TENM2: variants seen among roughly 807,000 people sequenced by gnomAD.
TENM2 encodes the protein teneurin transmembrane protein 2, also known as teneurin-2.
Under a neutral mutation model 245.2 loss-of-function variants are expected in TENM2, and 52 were observed. The ratio of observed to expected loss-of-function variants is 0.21; its 90% confidence interval spans 0.17 to 0.27. The LOEUF is 0.27. TENM2 is among the 10% of genes least tolerant of loss of function. The probability of loss-of-function intolerance (pLI) is 1.00; values close to 1 mark genes in which losing one functional copy is unlikely to be tolerated. For synonymous variants in TENM2, 1,363 were observed against 1,438.9 expected (o/e 0.95, Z 1.19); for missense variants, 3,046 against 3,666.8 (o/e 0.83, Z 4.37).
intron 20 of TENM2, chr5:168,214,749 A>C: frequency 2.0e-6 from 1 of 508,486 alleles, no homozygotes; most frequent in South Asian, 1.5e-5. Flanking sequence ...TCCTGCTTAC[A>C]AAAACAGGAT....
chr5:168,126,577 G>GA, intron 11 of TENM2, among the ~76,000 whole-genome samples, 177 bp from the exon 14 acceptor site: 1 of 152,124 alleles, frequency 6.6e-6, no homozygotes, highest in Middle Eastern at 3.4e-3. Flanking sequence ...CACTTCTCTA[G>GA]AAAAAAAGAT....
At chr5:167,391,150 A>G (rs1361739353) in intron 2 of TENM2, among the ~76,000 whole-genome samples, 4 of 152,186 alleles carry the variant, frequency 2.6e-5, no homozygotes, top group Non-Finnish European at 5.9e-5. Flanking sequence ...TTCCTTAACT[A>G]CAGGTGTACT....
the TENM2 span, among the ~76,000 whole-genome samples, chr5:167,228,110 C>G: frequency 1.3e-5 from 2 of 152,084 alleles, no homozygotes. Flanking sequence ...CTAACTGCAA[C>G]CTCTGCCTCC....
At chr5:168,158,850 T>TATATATATATATATACACAC (rs1339051385) in intron 12 of TENM2, among the ~76,000 whole-genome samples, 55 of 62,264 alleles carry the variant, frequency 8.8e-4, no homozygotes, top group South Asian at 1.3e-3. Context: ...TATATATATA[T>TATATATATATATATACACAC]ACACACACAC....
At chr5:167,258,231 A>ATATATATG in the TENM2 span, among the ~76,000 whole-genome samples, 1 of 96,004 alleles carries the variant, frequency 1.0e-5, no homozygotes, top group African/African-American at 4.1e-5. Flanking sequence ...ATATATGTGT[A>ATATATATG]TATATATATA....
chr5:167,970,267 C>T (rs75920169), intron 4 of TENM2, among the ~76,000 whole-genome samples: 9,946 of 152,266 alleles, frequency 0.065, 370 homozygotes, highest in African/African-American at 0.085. Flanking sequence ...AAACGTCCCA[C>T]GACTTTACTT....
chr5:167,654,868 C>G (rs896082381), intron 2 of TENM2, among the ~76,000 whole-genome samples: 13 of 152,024 alleles, frequency 8.6e-5, no homozygotes, highest in South Asian at 2.1e-4. Context: ...AGTGAGCTAT[C>G]CTGTCAGCAC....
chr5:167,790,353 A>G (rs1160591428), intron 2 of TENM2, among the ~76,000 whole-genome samples: 2 of 152,228 alleles, frequency 1.3e-5, no homozygotes, highest in South Asian at 2.1e-4. Context: ...AAGCTAAAAA[A>G]AGGAACATGC....
At chr5:167,339,569 GCTT>G (rs1046572962) in intron 1 of TENM2, among the ~76,000 whole-genome samples, 6 of 150,722 alleles carry the variant, frequency 4.0e-5, no homozygotes, top group African/African-American at 7.3e-5. Flanking sequence ...TCAAATTCTG[GCTT>G]CTTTTTATTT....
chr5:167,943,795 C>T (rs1779379705), intron 3 of TENM2, among the ~76,000 whole-genome samples: 1 of 152,100 alleles, frequency 6.6e-6, no homozygotes, highest in Non-Finnish European at 1.5e-5. Flanking sequence ...ATAGTATTGT[C>T]AAGATCCTTA....
At position 167,471,472 on chromosome 5, in the gene TENM2, G is replaced by A. The variant is rs78452962; in HGVS notation, c.502+95999G>A. ...ACAAAACTCTAAGAATAAAAGTAAC[G>A]AAAGGTACAATAATGTAAGAATTCA... On this transcript the variant is annotated intron_variant, in intron 2 of 28. Transcript: ENST00000518659. Among the ~76,000 whole-genome samples the A allele has an allele frequency of 4.8e-3, 728 of 152,240 alleles. 5 individuals carry two copies. The highest frequency in any genetic ancestry group is 0.016 in the African/African-American group (670 of 41,548).
rs148722311 is a variant in TENM2, at chr5:167,768,004, C to T, written c.503-107982C>T. On this transcript the variant is annotated intron_variant, in intron 2 of 28. Coordinates refer to ENST00000518659, the Ensembl canonical transcript of TENM2. ...ACAGCAGTCATATGCTCAGTGTGAA[C>T]GTGGCTTGTCTTGAGATTTGCAGTG... Among the ~76,000 whole-genome samples, 868 of 152,254 alleles carry T rather than the reference C, an allele frequency of 5.7e-3. 7 individuals carry two copies. Among genetic ancestry groups the T allele is most frequent in the African/African-American group, 0.017 (720 of 41,556 alleles).
chr5:167,573,669 C>T (rs994884382), intron 2 of TENM2, among the ~76,000 whole-genome samples: 1 of 152,004 alleles, frequency 6.6e-6, no homozygotes, highest in Non-Finnish European at 1.5e-5. Context: ...ACACTCAAGC[C>T]TAGCGGTGCT....
the TENM2 span, among the ~76,000 whole-genome samples, chr5:166,987,357 TTG>T: frequency 5.3e-5 from 8 of 151,668 alleles, no homozygotes; most frequent in Non-Finnish European, 1.2e-4. Flanking sequence ...AAAAGTACTA[TTG>T]TGTGTGTGTG....
the TENM2 span, among the ~76,000 whole-genome samples, chr5:167,092,247 G>A: frequency 6.6e-6 from 1 of 152,082 alleles, no homozygotes; most frequent in Non-Finnish European, 1.5e-5. Flanking sequence ...CCATAAATGA[G>A]GTTTTATGGA....
At chr5:167,323,251 A>G (rs576542711) in intron 1 of TENM2, among the ~76,000 whole-genome samples, 1 of 152,344 alleles carries the variant, frequency 6.6e-6, no homozygotes, top group Admixed American at 6.5e-5. Context: ...AGATAAAGAA[A>G]CTGATTTAGA....
At chr5:168,079,484 A>G (rs1299131733) in intron 7 of TENM2, among the ~76,000 whole-genome samples, 1 of 152,154 alleles carries the variant, frequency 6.6e-6, no homozygotes, top group Non-Finnish European at 1.5e-5. Context: ...AGGAGTGGTG[A>G]GAGAGGGCAT....
In TENM2 at chr5:167,897,222, G is replaced by A. The variant is rs565612241; in HGVS notation, c.712+21027G>A. Among the ~76,000 whole-genome samples, 5 of 152,110 alleles carry A rather than the reference G, an allele frequency of 3.3e-5. No individual in the cohort carries two copies. In the East Asian group the frequency reaches 9.7e-4, roughly 29 times the overall value. On this transcript the variant is annotated intron_variant, in intron 3 of 28. Transcript: ENST00000518659. Reference sequence around the variant, plus strand: ...TTTCCTCCAATTTAGCAAGCAATGAGGACCCGCACTATTTCTACTCTTTCA... The same window carrying A: ...TTTCCTCCAATTTAGCAAGCAATGAAGACCCGCACTATTTCTACTCTTTCA...
chr5:167,808,913 T>C (rs1447293200), intron 2 of TENM2, among the ~76,000 whole-genome samples: 3 of 152,184 alleles, frequency 2.0e-5, no homozygotes, highest in African/African-American at 4.8e-5. Context: ...TAAAATGCAC[T>C]CATTTGCAAG....
Sources: allele counts gnomAD v4.1 joint callset (sites outside exome capture counted in the v4.1 genomes callset), GRCh38; gene constraint gnomAD v4.1.1; transcripts MANE v1.5; gene names NCBI Gene and HGNC (gene_info 2026-07-23, HGNC 2026-07-21).